The following GPC3 variants were observed in gnomAD, a reference collection of about 807,000 sequenced individuals.
GPC3 encodes glypican 3.
In GPC3, 3 loss-of-function variants were observed where a neutral mutation model predicts 34.4. The observed-to-expected ratio is 0.09, with a 90% CI of 0.04 to 0.23. The LOEUF (loss-of-function observed/expected upper bound fraction) is 0.23. Ranked by LOEUF, GPC3 falls within the 10% of genes least tolerant of loss-of-function variation. GPC3 has a pLI of 1.00. For synonymous variants in GPC3, 177 were observed against 174.0 expected (o/e 1.02, Z -0.13); for missense variants, 351 against 445.6 (o/e 0.79, Z 1.91).
chrX:133,609,384 G>T (rs1273381829), intron 6 of GPC3, among the ~76,000 whole-genome samples: 1 of 111,578 alleles, frequency 9.0e-6, no homozygotes, highest in Non-Finnish European at 1.9e-5. Flanking sequence ...TACCTCAAGT[G>T]GTTTGACTGG....
At chrX:133,922,835 AG>A (rs1569455222) in intron 2 of GPC3, among the ~76,000 whole-genome samples, 1 of 111,268 alleles carries the variant, frequency 9.0e-6, no homozygotes, top group African/African-American at 3.3e-5. Flanking sequence ...TAAGGATGAC[AG>A]GGGTGACAAT....
rs1427720412 is a variant in GPC3 at position 133,618,699 on chromosome X, TC to T, written c.1414-22101del. Among the ~76,000 whole-genome samples, 253 of 53,277 alleles carry T rather than the reference TC, an allele frequency of 4.7e-3. 2 individuals carry two copies. Among genetic ancestry groups the T allele is most frequent in the African/African-American group, 0.018 (214 of 12,180 alleles). 46.3% of individuals were successfully genotyped at this position (53,277 alleles called of 115,157 possible). A position where few individuals can be genotyped will look rare whatever the true frequency, so the allele number is the denominator to read the frequency against. Reference sequence around the variant, plus strand: ...CTGGGTCACAGAGAAAGACACTGTATCAAAAAAAAAAAAAAAAAAATAGACC... The same window carrying T: ...CTGGGTCACAGAGAAAGACACTGTATAAAAAAAAAAAAAAAAAAATAGACC... On this transcript the variant is annotated intron_variant, in intron 6 of 7. Coordinates refer to ENST00000370818, the MANE Select transcript of GPC3 (RefSeq NM_004484.4).
chrX:133,803,978 CCACACA>C (rs10571712), intron 2 of GPC3, among the ~76,000 whole-genome samples: 1,480 of 94,272 alleles, frequency 0.016, 23 homozygotes, highest in African/African-American at 0.05. Context: ...TGAGATAAAT[CCACACA>C]CACACACACA....
intron 7 of GPC3, among the ~76,000 whole-genome samples, chrX:133,574,758 C>T (rs939163235): frequency 8.9e-5 from 10 of 112,248 alleles, no homozygotes; most frequent in East Asian, 2.8e-4. Context: ...TTAGTCATAT[C>T]GCATCCCACA....
At chrX:133,708,608 T>G (rs1482855569) in intron 3 of GPC3, among the ~76,000 whole-genome samples, 1 of 111,951 alleles carries the variant, frequency 8.9e-6, no homozygotes, top group Non-Finnish European at 1.9e-5. Context: ...TCTGCAAGTG[T>G]ACCCTCTAAT....
At chrX:133,881,241 C>T (rs367780246) in intron 2 of GPC3, among the ~76,000 whole-genome samples, 13 of 111,611 alleles carry the variant, frequency 1.2e-4, no homozygotes, top group Admixed American at 1.9e-4. Context: ...CACCATTTGT[C>T]GCTGACACTC....
chrX:133,605,026 T>C (rs1051233642), intron 6 of GPC3, among the ~76,000 whole-genome samples: 2 of 112,020 alleles, frequency 1.8e-5, no homozygotes, highest in African/African-American at 6.5e-5. Context: ...ACGTGACCTG[T>C]GTTTTGCGTG....
chrX:133,923,006 G>C (rs1223671321), intron 2 of GPC3, among the ~76,000 whole-genome samples: 1 of 110,926 alleles, frequency 9.0e-6, no homozygotes, highest in East Asian at 2.8e-4. Flanking sequence ...TCACATAGAG[G>C]CAGAGCCAGG....
chrX:133,921,352 A>G (rs927778469), intron 2 of GPC3, among the ~76,000 whole-genome samples: 1 of 111,824 alleles, frequency 8.9e-6, no homozygotes, highest in African/African-American at 3.3e-5. Context: ...TAAACAAGGG[A>G]CAAAAACAAG....
intron 3 of GPC3, among the ~76,000 whole-genome samples, chrX:133,719,646 A>T (rs1230654336): frequency 2.7e-5 from 3 of 110,384 alleles, no homozygotes; most frequent in Non-Finnish European, 5.7e-5. Flanking sequence ...AATAAAAAAT[A>T]AAAAAAAGGA....
At chrX:133,558,487 G>A (rs995758206) in intron 7 of GPC3, among the ~76,000 whole-genome samples, 8 of 110,388 alleles carry the variant, frequency 7.2e-5, no homozygotes, top group Non-Finnish European at 1.5e-4. Flanking sequence ...TAACCCTTAC[G>A]ATTTGCTTTT....
intron 2 of GPC3, among the ~76,000 whole-genome samples, chrX:133,857,179 C>G (rs1206334649): frequency 2.7e-5 from 3 of 111,374 alleles, no homozygotes; most frequent in African/African-American, 6.5e-5. Flanking sequence ...TCTCTAAATC[C>G]CCCTTCTTCT....
chrX:133,801,733 A>C (rs1569435972), intron 2 of GPC3, among the ~76,000 whole-genome samples: 1 of 112,425 alleles, frequency 8.9e-6, no homozygotes, highest in Non-Finnish European at 1.9e-5. Flanking sequence ...AGTTAAACAA[A>C]GAACACTTAG....
At chrX:133,950,004 T>C (rs2076385233) in intron 2 of GPC3, among the ~76,000 whole-genome samples, 1 of 111,917 alleles carries the variant, frequency 8.9e-6, no homozygotes, top group Admixed American at 9.5e-5. Flanking sequence ...AAAGTCAGCA[T>C]CATATAGTAG....
At chrX:133,683,400 G>T (rs763754595) in intron 5 of GPC3, among the ~76,000 whole-genome samples, 3 of 112,102 alleles carry the variant, frequency 2.7e-5, no homozygotes, top group Non-Finnish European at 5.6e-5. Context: ...ATAGTAAAAG[G>T]AGACAGGCCT....
intron 2 of GPC3, among the ~76,000 whole-genome samples, chrX:133,897,192 T>C (rs190532289): frequency 0.024 from 2,454 of 103,266 alleles, 37 homozygotes; most frequent in East Asian, 0.035. Flanking sequence ...AGGCGTGAGC[T>C]ACCGTGCCCG....
intron 2 of GPC3, among the ~76,000 whole-genome samples, chrX:133,937,569 T>TA (rs1334508300): frequency 2.5e-4 from 26 of 103,449 alleles, no homozygotes; most frequent in South Asian, 4.2e-4. Context: ...TTTATTTTTG[T>TA]AAAAAAAAAA....
At chrX:133,761,720 A>G (rs1185264289) in intron 2 of GPC3, among the ~76,000 whole-genome samples, 1 of 111,910 alleles carries the variant, frequency 8.9e-6, no homozygotes, top group Non-Finnish European at 1.9e-5. Context: ...TAGAAAATGT[A>G]TGAGTCTGCA....
intron 7 of GPC3, among the ~76,000 whole-genome samples, chrX:133,543,903 G>A (rs1455146446): frequency 3.6e-5 from 4 of 112,063 alleles, no homozygotes; most frequent in South Asian, 3.7e-4. Context: ...CTTCTCTGAC[G>A]TAGTGGGGGG....
Sources: gnomAD v4.1 joint callset for allele counts (sites outside exome capture counted in the v4.1 genomes callset) on GRCh38, gnomAD v4.1.1 for gene constraint, MANE v1.5 for transcripts, NCBI Gene and HGNC (gene_info 2026-07-23, HGNC 2026-07-21) for gene names.